ANO6: variants seen among roughly 807,000 people sequenced by gnomAD.
ANO6 encodes the protein anoctamin 6.
A neutral mutation model predicts 117.5 loss-of-function variants in ANO6; 106 were observed. The ratio of observed to expected loss-of-function variants is 0.90; its 90% CI spans 0.77 to 1.06. The LOEUF is 1.06. ANO6 is among the 50% of genes least tolerant of loss of function. The pLI is 0.00. For missense variants in ANO6, 955 were observed against 1,121.1 expected (o/e 0.85, Z 2.12); for synonymous variants, 367 against 385.1 (o/e 0.95, Z 0.55).
intron 1 of ANO6, chr12:45,292,826 A>G (rs1490364902): frequency 2.0e-6 from 3 of 1,521,184 alleles, no homozygotes; most frequent in South Asian, 2.5e-5. Flanking sequence ...GATGATAGAA[A>G]TCTTCAGAGT....
intron 1 of ANO6, among the ~76,000 whole-genome samples, chr12:45,262,387 G>A (rs1158976089): frequency 2.6e-5 from 4 of 151,078 alleles, no homozygotes; most frequent in African/African-American, 9.7e-5. Flanking sequence ...TATATTCAGT[G>A]TTGTGCAATC....
chr12:45,433,546 G>A (rs769227555), downstream of ANO6, among the ~76,000 whole-genome samples: 15 of 152,204 alleles, frequency 9.9e-5, no homozygotes, highest in Non-Finnish European at 2.1e-4. Flanking sequence ...CTAACACGGT[G>A]AGTTTTGCCA....
At chr12:45,220,065 T>C (rs1251998990) in intron 1 of ANO6, among the ~76,000 whole-genome samples, 2 of 152,242 alleles carry the variant, frequency 1.3e-5, no homozygotes, top group Non-Finnish European at 2.9e-5. Context: ...TAGAATGCTA[T>C]AGGAACAGCT....
At chr12:45,219,728 T>C (rs1488985128) in intron 1 of ANO6, among the ~76,000 whole-genome samples, 1 of 152,208 alleles carries the variant, frequency 6.6e-6, no homozygotes, top group Admixed American at 6.5e-5. Context: ...ACTATGGATG[T>C]CTTTTCCTTG....
At chr12:45,281,787 TGG>T (rs1938744910) in intron 1 of ANO6, among the ~76,000 whole-genome samples, 1 of 152,222 alleles carries the variant, frequency 6.6e-6, no homozygotes, top group Non-Finnish European at 1.5e-5. Context: ...AATTTGAAAG[TGG>T]TTTCCTAATG....
Position 45,328,892 on chromosome 12 carries a change from G to A in ANO6, c.151-2403G>A, listed in dbSNP as rs192341651. On this transcript the variant is annotated intron_variant, in intron 2 of 19. Transcript: ENST00000320560. Reference sequence around the variant, plus strand: ...GTGAATGTTTTGATACTTACTTTTCGTAGTGTAATTCTTCAACTTTATTGT... The same window carrying A: ...GTGAATGTTTTGATACTTACTTTTCATAGTGTAATTCTTCAACTTTATTGT... Among the ~76,000 whole-genome samples the A allele has an allele frequency of 2.3e-4, 35 of 152,032 alleles. No homozygotes were observed. In the East Asian group the frequency reaches 2.7e-3, roughly 12 times the overall value.
intron 1 of ANO6, among the ~76,000 whole-genome samples, chr12:45,226,410 A>G (rs1288488940): frequency 8.7e-6 from 1 of 115,548 alleles, no homozygotes; most frequent in Admixed American, 1.1e-4. Context: ...ATTTTAAAGT[A>G]CAAATACTTG....
In ANO6 at chr12:45,254,763, A is replaced by T. The variant is rs534235833; in HGVS notation, c.70+38372A>T. Among the ~76,000 whole-genome samples the T allele has an allele frequency of 4.5e-4, 68 of 152,362 alleles. 1 individual carries two copies. The highest frequency in any genetic ancestry group is 1.6e-3 in the African/African-American group (68 of 41,576). On this transcript the variant is annotated intron_variant, in intron 1 of 19. Coordinates refer to ENST00000320560, the MANE Select transcript of ANO6 (RefSeq NM_001025356.3). ...CCCAGAATTACAGATATGTAAGATTATACCTACTTTGTTAACAATGAAGTA... is the reference window on the plus strand; with the variant it reads ...CCCAGAATTACAGATATGTAAGATTTTACCTACTTTGTTAACAATGAAGTA...
intron 1 of ANO6, among the ~76,000 whole-genome samples, chr12:45,279,393 C>G (rs532731344): frequency 6.6e-6 from 1 of 152,334 alleles, no homozygotes; most frequent in Admixed American, 6.5e-5. Context: ...TACTGTCTCT[C>G]CTCCTCTATT....
rs140243690 is a variant in ANO6, at chr12:45,380,691, C to T, written c.1165+2578C>T. Among the ~76,000 whole-genome samples, 559 of 152,250 alleles carry T rather than the reference C, an allele frequency of 3.7e-3. 4 individuals carry two copies. The highest frequency in any genetic ancestry group is 0.013 in the African/African-American group (523 of 41,544). On this transcript the variant is annotated intron_variant, in intron 10 of 19. Coordinates refer to ENST00000320560, the MANE Select transcript of ANO6 (RefSeq NM_001025356.3). ...CCTTGAATTAGGAGGTTGGAATAAA[C>T]GGCTGGGTGTGGTGGCTCACGCCTG...
At chr12:45,243,933 T>C (rs533861538) in intron 1 of ANO6, among the ~76,000 whole-genome samples, 39 of 152,338 alleles carry the variant, frequency 2.6e-4, no homozygotes, top group African/African-American at 9.4e-4. Context: ...TTATAGCAAC[T>C]TGCCTGATAC....
At chr12:45,325,942 A>G (rs1036148005) in intron 2 of ANO6, among the ~76,000 whole-genome samples, 9 of 152,184 alleles carry the variant, frequency 5.9e-5, no homozygotes, top group Non-Finnish European at 1.3e-4. Context: ...TTTATTTTAA[A>G]TGTCATTTCA....
chr12:45,241,835 G>A (rs1592859317), intron 1 of ANO6, among the ~76,000 whole-genome samples: 2 of 152,222 alleles, frequency 1.3e-5, no homozygotes, highest in Admixed American at 6.5e-5. Flanking sequence ...GGAGTTTGCT[G>A]GATGTCCACT....
At chr12:45,254,336 G>A (rs1937734060) in intron 1 of ANO6, among the ~76,000 whole-genome samples, 1 of 152,218 alleles carries the variant, frequency 6.6e-6, no homozygotes, top group Non-Finnish European at 1.5e-5. Context: ...CTGAAGGTGG[G>A]CCAAGGAATA....
At chr12:45,420,953 A>T in intron 17 of ANO6, 118 bp from the exon 18 acceptor site, 1 of 1,090,010 alleles carries the variant, frequency 9.2e-7, no homozygotes, top group Non-Finnish European at 1.4e-6. Flanking sequence ...TGAACCCAAG[A>T]GGTGGAGGTT....
At chr12:45,291,166 G>A (rs1245815962) in intron 1 of ANO6, among the ~76,000 whole-genome samples, 1 of 152,032 alleles carries the variant, frequency 6.6e-6, no homozygotes, top group Admixed American at 6.6e-5. Flanking sequence ...ACGTGCAAGA[G>A]CTAAATTCAT....
Position 45,216,379 on chromosome 12 carries a change from G to C in ANO6, c.58G>C (p.Asp20His). ...AATGGAGGAGGAGGAGGACGACGAC[G>C]ATGGGGATATCGGTGAGCGAGGGGT... is the stretch of plus-strand genomic sequence containing the variant. ...LQMEEEEDDD[D>H]GDIVLENLGQ... Residue 20 changes from aspartate to histidine, a missense_variant, in exon 1 of 20, where the codon GAT (aspartate) becomes CAT (histidine). By Grantham distance (81) the Asp-to-His change is moderately conservative. Coordinates refer to ENST00000320560, the MANE Select transcript of ANO6 (RefSeq NM_001025356.3). The C allele has an allele frequency of 6.2e-7, 1 of 1,612,662 alleles. No individual in the cohort carries two copies. The highest frequency in any genetic ancestry group is 8.5e-7 in the Non-Finnish European group (1 of 1,179,382).
chr12:45,416,015 A>T (rs1592041020), intron 16 of ANO6, among the ~76,000 whole-genome samples: 1 of 152,352 alleles, frequency 6.6e-6, no homozygotes, highest in Non-Finnish European at 1.5e-5. Context: ...AATTACAAAC[A>T]AGGAGAAAAG....
chr12:45,342,589 CAG>C (rs768390528), intron 3 of ANO6, among the ~76,000 whole-genome samples: 4 of 151,928 alleles, frequency 2.6e-5, no homozygotes, highest in African/African-American at 4.8e-5. Flanking sequence ...TTGGGGGGCT[CAG>C]AAAATTTGGG....
Sources: gnomAD v4.1 joint callset for allele counts (sites outside exome capture counted in the v4.1 genomes callset) on GRCh38, gnomAD v4.1.1 for gene constraint, MANE v1.5 for transcripts, NCBI Gene and HGNC (gene_info 2026-07-23, HGNC 2026-07-21) for gene names.